Variants in CACNG3 observed in about 807,000 individuals in gnomAD.
CACNG3 encodes voltage-dependent calcium channel gamma-3 subunit.
In CACNG3, 3 loss-of-function variants were observed where a neutral mutation model predicts 28.5. The ratio of observed to expected loss-of-function variants is 0.11; its 90% CI spans 0.05 to 0.27. CACNG3 has a LOEUF of 0.27. CACNG3 is among the 10% of genes least tolerant of loss of function. The probability of loss-of-function intolerance (pLI) is 1.00; values close to 1 mark genes in which losing one functional copy is unlikely to be tolerated. For missense variants in CACNG3, 236 were observed against 414.4 expected (o/e 0.57, Z 3.74); for synonymous variants, 174 against 162.2 (o/e 1.07, Z -0.55).
chr16:24,327,786 GA>G (rs1295744042), intron 1 of CACNG3, among the ~76,000 whole-genome samples: 2 of 151,526 alleles, frequency 1.3e-5, no homozygotes, highest in African/African-American at 2.4e-5. Context: ...TACAAAAAAT[GA>G]AAACAGTAAT....
chr16:24,273,218 T>C (rs1439831651), intron 1 of CACNG3, among the ~76,000 whole-genome samples: 9 of 152,216 alleles, frequency 5.9e-5, no homozygotes, highest in African/African-American at 2.2e-4. Context: ...ATTGCTTTTT[T>C]AAACCATTTT....
At chr16:24,258,068 AGGAAATCTGCGTTTCCTGTGT>A (rs1567427811) in intron 1 of CACNG3, among the ~76,000 whole-genome samples, 1 of 152,164 alleles carries the variant, frequency 6.6e-6, no homozygotes, top group African/African-American at 2.4e-5. Context: ...GTGGTGGGCA[AGGAAATCTGCGTTTCCTGTGT>A]GGTCCCCTCC....
intron 1 of CACNG3, among the ~76,000 whole-genome samples, chr16:24,320,879 A>G (rs1263430204): frequency 6.6e-6 from 1 of 151,962 alleles, no homozygotes; most frequent in African/African-American, 2.4e-5. Flanking sequence ...ACAGGCATGC[A>G]ACACTATGCC....
At chr16:24,279,466 T>TTTA (rs960079854) in intron 1 of CACNG3, among the ~76,000 whole-genome samples, 11 of 151,774 alleles carry the variant, frequency 7.2e-5, no homozygotes, top group East Asian at 5.8e-4. Flanking sequence ...GCTAATTTTG[T>TTTA]TTATTATTAT....
In CACNG3 at chr16:24,340,804, C is replaced by G. The variant is rs552431905; in HGVS notation, c.212-5930C>G. 1.8e-3 allele frequency among the ~76,000 whole-genome samples: 276 copies of G among 152,296 alleles called. 2 individuals carry two copies. The highest frequency in any genetic ancestry group is 5.0e-4 in the Non-Finnish European group (34 of 68,022). On this transcript the variant is annotated intron_variant, in intron 1 of 3. Coordinates refer to ENST00000005284, the MANE Select transcript of CACNG3 (RefSeq NM_006539.4). ...CTGGGGTCTATGAATTCTCAGGGCCCGGCTCTCACACATGCCCTTCGCTGG... is the reference window on the plus strand; with the variant it reads ...CTGGGGTCTATGAATTCTCAGGGCCGGGCTCTCACACATGCCCTTCGCTGG...
chr16:24,331,141 G>A (rs182167163), intron 1 of CACNG3, among the ~76,000 whole-genome samples: 47 of 152,256 alleles, frequency 3.1e-4, no homozygotes, highest in African/African-American at 1.0e-3. Context: ...TGGTGAACAT[G>A]CCCTGTGGTC....
intron 1 of CACNG3, among the ~76,000 whole-genome samples, chr16:24,298,300 T>C (rs1445329243): frequency 6.6e-6 from 1 of 152,146 alleles, no homozygotes; most frequent in African/African-American, 2.4e-5. Flanking sequence ...ACTCCATCAC[T>C]TAATGACTGG....
At chr16:24,347,116 G>A (rs1007196063) in intron 2 of CACNG3, among the ~76,000 whole-genome samples, 5 of 152,144 alleles carry the variant, frequency 3.3e-5, no homozygotes, top group African/African-American at 1.2e-4. Flanking sequence ...TCAGGAGGTC[G>A]AGATCAGCCT....
chr16:24,356,965 A>G (rs996046797), intron 3 of CACNG3, among the ~76,000 whole-genome samples: 5 of 151,558 alleles, frequency 3.3e-5, no homozygotes, highest in Non-Finnish European at 7.4e-5. Flanking sequence ...TTATAAAATC[A>G]TCAGATCATG....
chr16:24,297,787 T>C (rs1557809), intron 1 of CACNG3, among the ~76,000 whole-genome samples: 26,232 of 152,122 alleles, frequency 0.17, 2,530 homozygotes, highest in East Asian at 0.37. Flanking sequence ...CTCCACCCCA[T>C]GTGAGCCCTT....
chr16:24,265,135 A>G (rs1024903241), intron 1 of CACNG3, among the ~76,000 whole-genome samples: 1 of 152,102 alleles, frequency 6.6e-6, no homozygotes, highest in Non-Finnish European at 1.5e-5. Context: ...CCAGCTACTC[A>G]GGAGGCTGAA....
At chr16:24,344,203 G>A (rs1286429774) in intron 1 of CACNG3, among the ~76,000 whole-genome samples, 2 of 152,072 alleles carry the variant, frequency 1.3e-5, no homozygotes, top group Admixed American at 6.5e-5. Flanking sequence ...AGGCTGAGGC[G>A]GGTGGTTCAC....
rs564970383 is a variant in CACNG3 at position 24,322,136 on chromosome 16, G to A, written c.212-24598G>A. Among the ~76,000 whole-genome samples, 21 of 152,216 alleles carry A rather than the reference G, an allele frequency of 1.4e-4. 1 individual carries two copies. The South Asian group carries it at 2.9e-3, about 21-fold the overall frequency. On this transcript the variant is annotated intron_variant, in intron 1 of 3. Coordinates refer to ENST00000005284, the MANE Select transcript of CACNG3 (RefSeq NM_006539.4). ...CAGACAGGCGGGAGGAGGAGAGCAG[G>A]GAAGAGCCTGGAACTCAGACATAGC...
chr16:24,320,382 C>A (rs1168812404), intron 1 of CACNG3, among the ~76,000 whole-genome samples: 2 of 152,318 alleles, frequency 1.3e-5, no homozygotes, highest in Admixed American at 1.3e-4. Context: ...ACCATGAATA[C>A]TTTCCCAAGT....
At chr16:24,317,093 A>G (rs535502054) in intron 1 of CACNG3, among the ~76,000 whole-genome samples, 3 of 152,210 alleles carry the variant, frequency 2.0e-5, no homozygotes, top group South Asian at 4.1e-4. Flanking sequence ...GCTACATAGT[A>G]ACTGTCATCA....
intron 3 of CACNG3, among the ~76,000 whole-genome samples, chr16:24,356,294 G>A (rs1470076377): frequency 6.6e-6 from 1 of 152,176 alleles, no homozygotes; most frequent in African/African-American, 2.4e-5. Flanking sequence ...TGGTGAGGAA[G>A]AGTGGCTTGC....
At chr16:24,344,939 A>AG in intron 1 of CACNG3, among the ~76,000 whole-genome samples, 1 of 152,296 alleles carries the variant, frequency 6.6e-6, no homozygotes. Context: ...GTCACTCACC[A>AG]GCTGTGACAC....
rs758979882 is a variant in CACNG3 at position 24,317,564 on chromosome 16, AAGAAAG to A, written c.212-29168_212-29163del. Among the ~76,000 whole-genome samples the A allele has an allele frequency of 1.2e-3, 50 of 42,276 alleles. 1 individual carries two copies. The East Asian group carries it at 0.018, about 16-fold the overall frequency. 27.7% of individuals were successfully genotyped at this position (42,276 alleles called of 152,430 possible). On this transcript the variant is annotated intron_variant, in intron 1 of 3. Coordinates refer to ENST00000005284, the MANE Select transcript of CACNG3 (RefSeq NM_006539.4). ...CAAAAAAAAAAAAGAAAAAGAAAGAAAGAAAGAAAGAAAGAAAGAAAGAAAGAAAGA... is the reference window on the plus strand; with the variant it reads ...CAAAAAAAAAAAAGAAAAAGAAAGAAAAAGAAAGAAAGAAAGAAAGAAAGA...
chr16:24,264,274 C>T lies in CACNG3; in HGVS notation c.211+7309C>T, dbSNP rs536526316. On this transcript the variant is annotated intron_variant, in intron 1 of 3. Transcript: ENST00000005284. ...GTTAGCCCACGCTCCGCTCACCAAA[C>T]CATGCACCTTGGTTCCGAACTGACT... Among the ~76,000 whole-genome samples the T allele has an allele frequency of 9.2e-5, 14 of 152,342 alleles. No homozygotes were observed. The East Asian group carries it at 2.3e-3, about 25-fold the overall frequency.
Sources: gnomAD v4.1 joint callset for allele counts (sites outside exome capture counted in the v4.1 genomes callset) on GRCh38, gnomAD v4.1.1 for gene constraint, MANE v1.5 for transcripts, NCBI Gene and HGNC (gene_info 2026-07-23, HGNC 2026-07-21) for gene names.